ANK2: variants seen among roughly 807,000 people sequenced by gnomAD.
ANK2 encodes ankyrin-2.
In ANK2, 83 loss-of-function variants were observed where a neutral mutation model predicts 360.5. The observed-to-expected ratio is 0.23, with a 90% CI of 0.19 to 0.28. ANK2 has a LOEUF of 0.28. Ranked by LOEUF, ANK2 falls within the 10% of genes least tolerant of loss-of-function variation. ANK2 has a pLI of 1.00. For synonymous variants in ANK2, 1,740 were observed against 1,759.5 expected, an observed-to-expected ratio of 0.99 and a Z score of 0.28; for missense variants, 4,201 against 4,795.7, an observed-to-expected ratio of 0.88 and a Z score of 3.66.
intron 2 of ANK2, among the ~76,000 whole-genome samples, chr4:112,924,837 CT>C (rs199974647): frequency 0.057 from 7,582 of 131,892 alleles, 214 homozygotes; most frequent in East Asian, 0.25. Context: ...ATATTTATTA[CT>C]TTTTTTTTTT....
chr4:113,052,775 C>A (rs568192434), intron 1 of ANK2, among the ~76,000 whole-genome samples: 3 of 152,040 alleles, frequency 2.0e-5, no homozygotes, highest in African/African-American at 7.2e-5. Context: ...CATGGGGAAC[C>A]GTGGGGGCAT....
chr4:113,343,753 G>A (rs1186704029), intron 34 of ANK2, among the ~76,000 whole-genome samples: 1 of 152,110 alleles, frequency 6.6e-6, no homozygotes, highest in Non-Finnish European at 1.5e-5. Context: ...ACATATGAAG[G>A]AATAAGAGAT....
chr4:112,924,496 A>G (rs762629460), intron 2 of ANK2, among the ~76,000 whole-genome samples: 1 of 152,316 alleles, frequency 6.6e-6, no homozygotes, highest in South Asian at 2.1e-4. Flanking sequence ...AGCTTTTTAA[A>G]AGCTGACTTA....
chr4:113,014,207 A>G (rs567248762), intron 2 of ANK2, among the ~76,000 whole-genome samples: 1 of 152,330 alleles, frequency 6.6e-6, no homozygotes, highest in South Asian at 2.1e-4. Context: ...AAATATTTGA[A>G]GGTTCCCTAG....
At chr4:112,977,154 T>C (rs2041703149) in intron 2 of ANK2, among the ~76,000 whole-genome samples, 1 of 152,250 alleles carries the variant, frequency 6.6e-6, no homozygotes, top group Non-Finnish European at 1.5e-5. Flanking sequence ...AATTAAATTG[T>C]ATTCATGTAA....
At chr4:113,330,019 T>C (rs2091941469) in intron 26 of ANK2, among the ~76,000 whole-genome samples, 1 of 152,214 alleles carries the variant, frequency 6.6e-6, no homozygotes, top group South Asian at 2.1e-4. Flanking sequence ...AAAATTAGAA[T>C]TATTCTTTAC....
intron 4 of ANK2, among the ~76,000 whole-genome samples, chr4:113,222,919 A>G (rs901356009): frequency 3.3e-5 from 5 of 152,244 alleles, no homozygotes; most frequent in Non-Finnish European, 7.3e-5. Context: ...ACTTTAATTA[A>G]TAGGATGCCT....
At chr4:113,164,816 C>T (rs962311949) in intron 1 of ANK2, among the ~76,000 whole-genome samples, 1 of 152,070 alleles carries the variant, frequency 6.6e-6, no homozygotes, top group Non-Finnish European at 1.5e-5. Flanking sequence ...GGGATGAGCT[C>T]TAATATATCT....
the ANK2 span, among the ~76,000 whole-genome samples, chr4:112,728,773 A>G: frequency 6.6e-6 from 1 of 152,180 alleles, no homozygotes; most frequent in Non-Finnish European, 1.5e-5. Flanking sequence ...TGAAAAATAC[A>G]TACATGTATA....
chr4:113,374,484 T>C (rs956243531), intron 45 of ANK2, among the ~76,000 whole-genome samples: 2 of 152,242 alleles, frequency 1.3e-5, no homozygotes, highest in African/African-American at 4.8e-5. Flanking sequence ...CATATTATTA[T>C]GTCTGTATTA....
chr4:112,881,874 CT>C, intron 1 of ANK2: 1 of 741,770 alleles, frequency 1.3e-6, no homozygotes, highest in Non-Finnish European at 2.4e-6. Context: ...AGAATATTCT[CT>C]TGAGACCGCT....
chr4:112,943,786 C>T (rs2094388681), intron 2 of ANK2, among the ~76,000 whole-genome samples: 1 of 151,990 alleles, frequency 6.6e-6, no homozygotes, highest in Admixed American at 6.5e-5. Context: ...CCTTGTTTTG[C>T]TGTAAACATT....
At position 113,214,362 on chromosome 4, in the gene ANK2, G is replaced by A. The variant is rs576651316; in HGVS notation, c.384+15253G>A. On this transcript the variant is annotated intron_variant, in intron 4 of 45. Coordinates refer to ENST00000357077, the MANE Select transcript of ANK2 (RefSeq NM_001148.6). ...CTGCACGTGGCCGCGGCCCTTTTTG[G>A]CACGACCATTGTTCCTTCTTTTCTT... The A allele has an allele frequency of 2.2e-5, 19 of 853,414 alleles. 1 individual carries two copies. In the African/African-American group the frequency reaches 2.2e-4, roughly 10 times the overall value. 52.9% of individuals were successfully genotyped at this position (853,414 alleles called of 1,614,324 possible).
chr4:113,034,644 A>G (rs1295713120), intron 2 of ANK2: 1 of 152,024 alleles, frequency 6.6e-6, no homozygotes, highest in Non-Finnish European at 1.5e-5. Context: ...AGAAATATTG[A>G]CAATCTTTCT....
At chr4:113,149,874 C>CAAAAAAAAAAAAAAAAAAAAAAAAAA (rs34667216) in intron 1 of ANK2, among the ~76,000 whole-genome samples, 13 of 31,406 alleles carry the variant, frequency 4.1e-4, no homozygotes, top group Middle Eastern at 0.026. Context: ...GACCCTGCCT[C>CAAAAAAAAAAAAAAAAAAAAAAAAAA]AAAAAAAAAA....
At chr4:112,978,383 G>A (rs981869041) in intron 2 of ANK2, among the ~76,000 whole-genome samples, 3 of 152,136 alleles carry the variant, frequency 2.0e-5, no homozygotes, top group African/African-American at 7.2e-5. Flanking sequence ...GTGTACAGTG[G>A]ATTAAGTATA....
intron 2 of ANK2, among the ~76,000 whole-genome samples, chr4:113,014,422 G>A (rs1004669504): frequency 1.3e-5 from 2 of 152,280 alleles, no homozygotes; most frequent in South Asian, 2.1e-4. Flanking sequence ...CTACAGGTTA[G>A]GACACTGAGG....
the ANK2 span, among the ~76,000 whole-genome samples, chr4:112,779,657 T>G: frequency 1.3e-5 from 2 of 152,230 alleles, no homozygotes; most frequent in Admixed American, 1.3e-4. Flanking sequence ...ATCACTGGAT[T>G]TAGCACTTTC....
upstream of ANK2, among the ~76,000 whole-genome samples, chr4:112,816,329 A>G (rs1472205624): frequency 1.3e-5 from 2 of 152,194 alleles, no homozygotes; most frequent in Non-Finnish European, 2.9e-5. Context: ...AAATGGAAAC[A>G]AGTGCTCTTG....
Sources: gnomAD v4.1 joint callset for allele counts (sites outside exome capture counted in the v4.1 genomes callset) on GRCh38, gnomAD v4.1.1 for gene constraint, MANE v1.5 for transcripts, NCBI Gene and HGNC (gene_info 2026-07-23, HGNC 2026-07-21) for gene names.